EVC2: variants seen among roughly 807,000 people sequenced by gnomAD.
EVC2 encodes EvC ciliary complex subunit 2.
Under a neutral mutation model 149.3 loss-of-function variants are expected in EVC2, and 148 were observed. The observed-to-expected ratio is 0.99, with a 90% CI of 0.87 to 1.14. The LOEUF is 1.14. EVC2 is among the 50% of genes most tolerant of loss of function. The pLI, the probability that EVC2 is intolerant of heterozygous loss-of-function variation, is 0.00. For missense variants in EVC2, 1,854 were observed against 1,627.3 expected (o/e 1.14, Z -2.40); for synonymous variants, 776 against 649.9 (o/e 1.19, Z -2.95).
chr4:5,609,778 C>T (rs1374690757), intron 16 of EVC2, among the ~76,000 whole-genome samples: 1 of 152,186 alleles, frequency 6.6e-6, no homozygotes, highest in Non-Finnish European at 1.5e-5. Context: ...CTGATCAGGG[C>T]ATGTGGTCAG....
intron 12 of EVC2, among the ~76,000 whole-genome samples, chr4:5,626,490 C>G (rs562271639): frequency 6.6e-6 from 1 of 151,188 alleles, no homozygotes; most frequent in Non-Finnish European, 1.5e-5. Context: ...CGTGCCACCA[C>G]GCCAGCTAAT....
Position 5,613,141 on chromosome 4 carries a change from G to A in EVC2, c.2829+2281C>T, listed in dbSNP as rs548196154. Among the ~76,000 whole-genome samples the A allele has an allele frequency of 3.5e-4, 54 of 152,118 alleles. No individual in the cohort carries two copies. The highest frequency in any genetic ancestry group is 1.3e-3 in the African/African-American group (54 of 41,506). ...CTGTGACTCTGCTCCAAGGGTGCTG[G>A]TGAGATGGCCCTTAGCTTTCTCAGC... On this transcript the variant is annotated intron_variant, in intron 16 of 21. Coordinates refer to ENST00000344408, the MANE Select transcript of EVC2 (RefSeq NM_147127.5). This position sits in a 1 kb window ranked among gnomAD's most constrained non-coding sequence, Gnocchi z 4.6.
At chr4:5,579,440 T>C (rs1271429655) in intron 17 of EVC2, among the ~76,000 whole-genome samples, 2 of 152,202 alleles carry the variant, frequency 1.3e-5, no homozygotes, top group African/African-American at 4.8e-5. Flanking sequence ...CCGGTCTAGA[T>C]ACATCAGACT....
chr4:5,616,016 C>G (rs528578189), intron 15 of EVC2, among the ~76,000 whole-genome samples: 1 of 152,276 alleles, frequency 6.6e-6, no homozygotes, highest in East Asian at 1.9e-4. Context: ...CCTGGAAGCC[C>G]GGGGTATAGG....
At chr4:5,646,824 G>C (rs375911788) in intron 9 of EVC2, among the ~76,000 whole-genome samples, 1 of 152,140 alleles carries the variant, frequency 6.6e-6, no homozygotes, top group East Asian at 1.9e-4. Context: ...TAGGTTACCA[G>C]GCAACATGGC....
chr4:5,550,975 G>A (rs573434302), intron 21 of EVC2, among the ~76,000 whole-genome samples: 1 of 152,250 alleles, frequency 6.6e-6, no homozygotes, highest in African/African-American at 2.4e-5. Context: ...AAAAATTGTG[G>A]TTTGGGAACC....
At chr4:5,655,003 G>A (rs75143601) in intron 9 of EVC2, among the ~76,000 whole-genome samples, 5,423 of 152,198 alleles carry the variant, frequency 0.036, 294 homozygotes, top group African/African-American at 0.12. Flanking sequence ...AGCCTACATC[G>A]TGCCTAGCGC....
In EVC2 at chr4:5,633,149, T is replaced by C. The variant is rs373453357; in HGVS notation, c.1471-1117A>G. Among the ~76,000 whole-genome samples, 7 of 152,324 alleles carry C rather than the reference T, an allele frequency of 4.6e-5. No individual in the cohort carries two copies. The East Asian group carries it at 9.6e-4, about 21-fold the overall frequency. On this transcript the variant is annotated intron_variant, in intron 10 of 21. Coordinates refer to ENST00000344408, the MANE Select transcript of EVC2 (RefSeq NM_147127.5). The surrounding 1 kb of genome is among the most constrained non-coding windows in gnomAD (Gnocchi z 4.4). ...GCTTTGAAGAACCAAACAGCCAGGC[T>C]GTAAACTGTCTCCGCAGAAGGGAAA...
Position 5,576,621 on chromosome 4 carries a change from T to C in EVC2, c.3058-167A>G, listed in dbSNP as rs1291094776. On this transcript the variant is annotated intron_variant, in intron 17 of 21. Transcript: ENST00000344408. The surrounding 1 kb of genome is among the most constrained non-coding windows in gnomAD (Gnocchi z 4.5). ...TGCAATGTGAGTGCACCACGATCTCTCACCCCTGTGTCACCTCCATGCCTC... is the reference window on the plus strand; with the variant it reads ...TGCAATGTGAGTGCACCACGATCTCCCACCCCTGTGTCACCTCCATGCCTC... Among the ~76,000 whole-genome samples, 7 of 152,172 alleles carry C rather than the reference T, an allele frequency of 4.6e-5. No individual in the cohort carries two copies. The highest frequency in any genetic ancestry group is 1.2e-4 in the African/African-American group (5 of 41,436).
chr4:5,548,429 T>C (rs1295838713), intron 21 of EVC2, among the ~76,000 whole-genome samples: 4 of 150,392 alleles, frequency 2.7e-5, no homozygotes, highest in African/African-American at 9.8e-5. Context: ...ATGGCATTGA[T>C]GACATTGTGG....
chr4:5,534,299 C>A, the EVC2 span, among the ~76,000 whole-genome samples: 1 of 152,268 alleles, frequency 6.6e-6, no homozygotes, highest in African/African-American at 2.4e-5. Flanking sequence ...ACTGCCACAT[C>A]CCCGATTCTG....
chr4:5,648,018 C>A (rs1010762481), intron 9 of EVC2, among the ~76,000 whole-genome samples: 1 of 152,074 alleles, frequency 6.6e-6, no homozygotes, highest in African/African-American at 2.4e-5. Context: ...CTAAAGCTGA[C>A]GTCTTTTTTT....
At chr4:5,674,615 G>A (rs1228269652) in intron 7 of EVC2, among the ~76,000 whole-genome samples, 3 of 152,146 alleles carry the variant, frequency 2.0e-5, no homozygotes, top group African/African-American at 7.2e-5. Flanking sequence ...TGCTGGTCAG[G>A]GTCCAGCAGG....
intron 2 of EVC2, 94 bp downstream of exon 2, chr4:5,697,499 C>A (rs1289888119): frequency 5.6e-6 from 7 of 1,251,632 alleles, no homozygotes; most frequent in Admixed American, 5.2e-5. Flanking sequence ...CTGGAAGGAT[C>A]AGCAGAGAGT....
At chr4:5,629,137 C>T (rs968384265) in intron 11 of EVC2, among the ~76,000 whole-genome samples, 37 of 152,150 alleles carry the variant, frequency 2.4e-4, no homozygotes, top group African/African-American at 8.2e-4. Flanking sequence ...CCAAGGAGCT[C>T]CCACCACCAC....
At chr4:5,565,182 C>T (rs1722194305) in intron 21 of EVC2, 76 bp downstream of exon 21, 2 of 1,420,016 alleles carry the variant, frequency 1.4e-6, no homozygotes, top group Non-Finnish European at 2.0e-6. Context: ...CTTGTCACCT[C>T]CTGCCTCCCC....
chr4:5,663,641 TG>T (rs945557034), intron 8 of EVC2, among the ~76,000 whole-genome samples: 15 of 152,146 alleles, frequency 9.9e-5, no homozygotes, highest in African/African-American at 3.6e-4. Context: ...TAGGATTGAG[TG>T]GGGCGTGGTG....
At position 5,685,431 on chromosome 4, in the gene EVC2, T is replaced by A. The variant is rs770295156; in HGVS notation, c.755A>T (p.Asp252Val). 18 of 1,613,968 alleles carry A rather than the reference T, an allele frequency of 1.1e-5. No homozygotes were observed. Among genetic ancestry groups the A allele is most frequent in the Non-Finnish European group, 1.4e-5 (16 of 1,180,020 alleles). The part of the protein sequence containing the change: ...VSYAATLQAG[D>V]LGNGESLKLP... ...CTTGAGGCTCTCCCCGTTCCCGAGG[T>A]CTCCAGCCTGGAGCGTGGCTGCGTA... is the stretch of plus-strand genomic sequence containing the variant. The change falls in exon 6 of 22, where the codon GAC becomes GTC. Residue 252 changes from aspartate (D) to valine (V), a missense_variant. Physicochemically the swap from Asp to Val is radical, Grantham distance 152. Transcript: ENST00000344408.
chr4:5,565,903 T>TG (rs1377049757), intron 20 of EVC2, among the ~76,000 whole-genome samples: 1 of 152,152 alleles, frequency 6.6e-6, no homozygotes, highest in Non-Finnish European at 1.5e-5. Context: ...GCTGACGGGT[T>TG]GGGGGAGTCA....
Sources: allele counts gnomAD v4.1 joint callset (sites outside exome capture counted in the v4.1 genomes callset), GRCh38; gene constraint gnomAD v4.1.1; non-coding constraint Gnocchi (gnomAD v3.1); transcripts MANE v1.5; gene names NCBI Gene and HGNC (gene_info 2026-07-23, HGNC 2026-07-21).